PRF1: variants seen among roughly 807,000 people sequenced by gnomAD.
PRF1 encodes the protein perforin-1.
PRF1 carries 11 observed loss-of-function variants against 11.7 expected under a neutral mutation model. The observed-to-expected ratio is 0.94, with a 90% CI of 0.59 to 1.56. The LOEUF is 1.56. PRF1 is among the 40% of genes most tolerant of loss of function. The pLI is 0.00. For synonymous variants in PRF1, 314 were observed against 327.8 expected (o/e 0.96, Z 0.45); for missense variants, 729 against 751.0 (o/e 0.97, Z 0.34).
Position 70,600,387 on chromosome 10 carries a change from G to T in PRF1, c.516C>A (p.Asp172Glu). Residue 172 changes from aspartate (D) to glutamate (E), a missense_variant, in exon 2 of 3, where the codon GAC becomes GAA. By Grantham distance (45) the Asp-to-Glu change is conservative (BLOSUM62 2). Transcript: ENST00000441259. This position sits in a 1 kb window ranked among gnomAD's most constrained non-coding sequence, Gnocchi z 4.9. ...ACCTGTAGAAGCGGCACTCCACCGT[G>T]TCAGTGCTGAAGCTGTACTGGTCCT... is the stretch of plus-strand genomic sequence containing the variant. ...THQDQYSFST[D>E]TVECRFYSFH... The T allele has an allele frequency of 6.2e-7, 1 of 1,614,184 alleles. No homozygotes were observed. Among genetic ancestry groups the T allele is most frequent in the Non-Finnish European group, 8.5e-7 (1 of 1,180,036 alleles).
intron 2 of PRF1, among the ~76,000 whole-genome samples, chr10:70,599,715 G>T (rs1338757161): frequency 1.3e-5 from 2 of 152,218 alleles, no homozygotes; most frequent in Admixed American, 6.5e-5. Flanking sequence ...CACATGCCCG[G>T]GATCCTGACA....
At position 70,600,723 on chromosome 10, in the gene PRF1, T is replaced by C. The variant is rs747004967; in HGVS notation, c.180A>G (p.Pro60=). The C allele has an allele frequency of 2.5e-6, 4 of 1,613,832 alleles. No homozygotes were observed. The highest frequency in any genetic ancestry group is 2.7e-5 in the African/African-American group (2 of 75,046). The stretch of plus-strand genomic sequence containing the variant: ...GCCGCAGGAACCTTTGTGTGTCCAC[T>C]GGGAAGGAGCCCGAGCGGCGGAGGC... The part of the protein sequence containing the change: ...VTSLRRSGSF[P]VDTQRFLRPD... Residue 60 remains proline, a synonymous_variant, in exon 2 of 3, where the codon CCA becomes CCG. Coordinates refer to ENST00000441259, the MANE Select transcript of PRF1 (RefSeq NM_001083116.3). The surrounding 1 kb of genome is among the most constrained non-coding windows in gnomAD (Gnocchi z 4.9).
rs200383720 is a variant in PRF1 at position 70,599,176 on chromosome 10, T to C, written c.545A>G (p.His182Arg). ...GTGCAGCGGGGGAGTGTGTACCACATGGAAACTGCGAGAAGAGAGAGACCT... is the reference window on the plus strand; with the variant it reads ...GTGCAGCGGGGGAGTGTGTACCACACGGAAACTGCGAGAAGAGAGAGACCT... ...DTVECRFYSF[H>R]VVHTPPLHPD... Residue 182 changes from histidine to arginine, a missense_variant, in exon 3 of 3, where the codon CAT (histidine) becomes CGT (arginine). By Grantham distance (29) the His-to-Arg change is conservative (BLOSUM62 0). Coordinates refer to ENST00000441259, the MANE Select transcript of PRF1 (RefSeq NM_001083116.3). The C allele has an allele frequency of 3.0e-5, 49 of 1,614,034 alleles. No homozygotes were observed. Among genetic ancestry groups the C allele is most frequent in the African/African-American group, 1.2e-4 (9 of 74,934 alleles).
rs200789852 is a variant in PRF1 at position 70,598,467 on chromosome 10, C to G, written c.1254G>C (p.Glu418Asp). ...GGCCCCATGCTTGGATGAAGGTCAC[C>G]TCCAGCTGGGCCAGGCCCCTCTGCC... ...CPRQRGLAQLEVTFIQAWGLW... is the reference protein window; with the variant it reads ...CPRQRGLAQLDVTFIQAWGLW... The change falls in exon 3 of 3, where the codon GAG becomes GAC. Residue 418 changes from glutamate (E) to aspartate (D), a missense_variant. By Grantham distance (45) the Glu-to-Asp change is conservative (BLOSUM62 2). Coordinates refer to ENST00000441259, the MANE Select transcript of PRF1 (RefSeq NM_001083116.3). 4 of 1,613,710 alleles carry G rather than the reference C, an allele frequency of 2.5e-6. No individual in the cohort carries two copies. The East Asian group carries it at 8.9e-5, about 36-fold the overall frequency.
At chr10:70,599,244 C>T (rs1191698644) in intron 2 of PRF1, 63 bp from the exon 3 acceptor site, 2 of 1,589,152 alleles carry the variant, frequency 1.3e-6, no homozygotes, top group African/African-American at 1.3e-5. Flanking sequence ...AATCAAATAA[C>T]TCCTTCAGGA....
In PRF1 at chr10:70,600,027, A is replaced by G. The variant is rs893499878; in HGVS notation, c.539+337T>C. On this transcript the variant is annotated intron_variant, in intron 2 of 2. Coordinates refer to ENST00000441259, the MANE Select transcript of PRF1 (RefSeq NM_001083116.3). This position sits in a 1 kb window ranked among gnomAD's most constrained non-coding sequence, Gnocchi z 4.9. ...GGCCAGGTCTCCTGCCTCTGTCCCT[A>G]TCCAGGAAGGACTCTGTGGAAGGCT... is the stretch of plus-strand genomic sequence containing the variant. 1.3e-5 allele frequency among the ~76,000 whole-genome samples: 2 copies of G among 152,296 alleles called. No individual in the cohort carries two copies. The highest frequency in any genetic ancestry group is 1.9e-4 in the East Asian group (1 of 5,182).
At position 70,599,325 on chromosome 10, in the gene PRF1, A is replaced by G. The variant is rs562494480; in HGVS notation, c.540-144T>C. On this transcript the variant is annotated intron_variant, in intron 2 of 2. Coordinates refer to ENST00000441259, the MANE Select transcript of PRF1 (RefSeq NM_001083116.3). Reference sequence around the variant, plus strand: ...AGGGGCCCGGCTCCAGAGCACAAGCACAGTGGCACGGGGCTGGCAGGAATG... The same window carrying G: ...AGGGGCCCGGCTCCAGAGCACAAGCGCAGTGGCACGGGGCTGGCAGGAATG... 32 of 1,056,234 alleles carry G rather than the reference A, an allele frequency of 3.0e-5. No individual in the cohort carries two copies. In the African/African-American group the frequency reaches 4.9e-4, roughly 16 times the overall value. The allele number at this position is 1,056,234 out of a possible 1,614,324, so 65.4% of individuals were successfully genotyped here.
At position 70,598,027 on chromosome 10, in the gene PRF1, A is replaced by C. The variant is rs755876007; in HGVS notation, c.*26T>G. Reference sequence around the variant, plus strand: ...GTGAGAACCCCTTCAGTCCAAGCATACTGGTCCTTTCCAAGCTCACTGTTC... The same window carrying C: ...GTGAGAACCCCTTCAGTCCAAGCATCCTGGTCCTTTCCAAGCTCACTGTTC... On this transcript the variant is annotated 3_prime_UTR_variant, in exon 3 of 3. Transcript: ENST00000441259. 1.2e-6 allele frequency: 2 copies of C among 1,610,128 alleles called. No homozygotes were observed. The highest frequency in any genetic ancestry group is 2.7e-5 in the African/African-American group (2 of 74,892).
intron 1 of PRF1, among the ~76,000 whole-genome samples, chr10:70,601,855 C>T (rs1365569510): frequency 5.0e-5 from 1 of 19,854 alleles, no homozygotes; most frequent in Non-Finnish European, 1.2e-4. Context: ...AGGGGCAGAC[C>T]TGACCACACC....
At chr10:70,601,840 A>AAAAAAAAAAGAGAAAGAAAAAAAAG (rs55649452) in intron 1 of PRF1, among the ~76,000 whole-genome samples, 35,692 of 97,206 alleles carry the variant, frequency 0.37, 9,232 homozygotes, top group African/African-American at 0.48. Context: ...AAAAAAAAAA[A>AAAAAAAAAAGAGAAAGAAAAAAAAG]AAAAAGGGGC....
Position 70,598,475 on chromosome 10 carries a change from G to A in PRF1, c.1246C>T (p.Gln416Ter), listed in dbSNP as rs193302876. 1.9e-6 allele frequency: 3 copies of A among 1,613,658 alleles called. No homozygotes were observed. Among genetic ancestry groups the A allele is most frequent in the East Asian group, 4.5e-5 (2 of 44,856 alleles). ...DCCPRQRGLA[Q>*]LEVTFIQAWG... ...GCTTGGATGAAGGTCACCTCCAGCT[G>A]GGCCAGGCCCCTCTGCCGAGGGCAG... Residue 416 changes from glutamine to a stop codon, truncating the protein, a stop_gained, in exon 3 of 3, where the codon CAG (glutamine) becomes TAG (stop). Coordinates refer to ENST00000441259, the MANE Select transcript of PRF1 (RefSeq NM_001083116.3). LOFTEE classifies it low-confidence loss of function (END_TRUNC).
At chr10:70,602,363 A>G in intron 1 of PRF1, among the ~76,000 whole-genome samples, 1 of 152,190 alleles carries the variant, frequency 6.6e-6, no homozygotes, top group East Asian at 1.9e-4. Context: ...CTCAGCCCTC[A>G]TCCTGACTCT....
At position 70,598,531 on chromosome 10, in the gene PRF1, C is replaced by T; in HGVS notation, c.1190G>A (p.Cys397Tyr). ...CTGGGTGGTGACCGCTGAGCCATGG[C>T]ACACACACTGGCATGGGTCTCGGGG... ...KSPRDPCQCV[C>Y]HGSAVTTQDC... Residue 397 changes from cysteine (C) to tyrosine (Y), a missense_variant, in exon 3 of 3, where the codon TGC becomes TAC. Physicochemically the swap from Cys to Tyr is radical, Grantham distance 194. Coordinates refer to ENST00000441259, the MANE Select transcript of PRF1 (RefSeq NM_001083116.3). The T allele has an allele frequency of 6.2e-7, 1 of 1,613,328 alleles. No homozygotes were observed. The highest frequency in any genetic ancestry group is 2.2e-5 in the East Asian group (1 of 44,862).
Position 70,598,033 on chromosome 10 carries a change from C to T in PRF1, c.*20G>A. On this transcript the variant is annotated 3_prime_UTR_variant, in exon 3 of 3. Transcript: ENST00000441259. The stretch of plus-strand genomic sequence containing the variant: ...ACCCCTTCAGTCCAAGCATACTGGT[C>T]CTTTCCAAGCTCACTGTTCTCACCA... 1 of 1,611,186 alleles carries T rather than the reference C, an allele frequency of 6.2e-7. No homozygotes were observed. Among genetic ancestry groups the T allele is most frequent in the Non-Finnish European group, 8.5e-7 (1 of 1,180,002 alleles).
intron 1 of PRF1, among the ~76,000 whole-genome samples, chr10:70,602,229 T>A (rs1407613331): frequency 6.6e-6 from 1 of 152,018 alleles, no homozygotes; most frequent in Non-Finnish European, 1.5e-5. Context: ...AGGTGTGACT[T>A]GAAGGGTGGA....
rs568808570 is a variant in PRF1 at position 70,601,889 on chromosome 10, C to A, written c.-31+756G>T. ...CCCTTGGATTTTGTGTGGGGAGAGG[C>A]CTCGATGGTTGCTCTTCAGATCCTT... On this transcript the variant is annotated intron_variant, in intron 1 of 2. Transcript: ENST00000441259. Among the ~76,000 whole-genome samples the A allele has an allele frequency of 2.7e-5, 4 of 150,054 alleles. 1 individual carries two copies. The highest frequency in any genetic ancestry group is 9.8e-5 in the African/African-American group (4 of 40,894).
Position 70,598,061 on chromosome 10 carries a change from C to T in PRF1, c.1660G>A (p.Val554Met), listed in dbSNP as rs768505698. The T allele has an allele frequency of 5.0e-6, 8 of 1,613,250 alleles. No homozygotes were observed. Among genetic ancestry groups the T allele is most frequent in the Admixed American group, 3.3e-5 (2 of 60,004 alleles). Residue 554 changes from valine to methionine, a missense_variant, in exon 3 of 3, where the codon GTG (valine) becomes ATG (methionine). Val to Met is a conservative substitution (Grantham distance 21, BLOSUM62 1). Transcript: ENST00000441259. Reference protein sequence around the residue: ...GEPPGNRSGAVW With the variant: ...GEPPGNRSGAMW The stretch of plus-strand genomic sequence containing the variant: ...TTCCAAGCTCACTGTTCTCACCACA[C>T]GGCCCCACTCCGGTTTCCTGGAGGC...
chr10:70,600,726 G>A lies in PRF1; in HGVS notation c.177C>T (p.Phe59=), dbSNP rs1184024036. ...GCAGGAACCTTTGTGTGTCCACTGG[G>A]AAGGAGCCCGAGCGGCGGAGGCTGG... The part of the protein sequence containing the change: ...DVTSLRRSGS[F]PVDTQRFLRP... Residue 59 remains phenylalanine, a synonymous_variant, in exon 2 of 3, where the codon TTC becomes TTT. Coordinates refer to ENST00000441259, the MANE Select transcript of PRF1 (RefSeq NM_001083116.3). This position sits in a 1 kb window ranked among gnomAD's most constrained non-coding sequence, Gnocchi z 4.9. The A allele has an allele frequency of 2.5e-6, 4 of 1,613,684 alleles. No homozygotes were observed. Among genetic ancestry groups the A allele is most frequent in the Admixed American group, 3.3e-5 (2 of 60,000 alleles).
In PRF1 at chr10:70,598,052, C is replaced by T; in HGVS notation, c.*1G>A. 3 of 1,613,068 alleles carry T rather than the reference C, an allele frequency of 1.9e-6. No homozygotes were observed. The highest frequency in any genetic ancestry group is 2.5e-6 in the Non-Finnish European group (3 of 1,180,024). ...ACTGGTCCTTTCCAAGCTCACTGTT[C>T]TCACCACACGGCCCCACTCCGGTTT... On this transcript the variant is annotated 3_prime_UTR_variant, in exon 3 of 3. Transcript: ENST00000441259.
Sources: allele counts gnomAD v4.1 joint callset (sites outside exome capture counted in the v4.1 genomes callset), GRCh38; gene constraint gnomAD v4.1.1; non-coding constraint Gnocchi (gnomAD v3.1); transcripts MANE v1.5; gene names NCBI Gene and HGNC (gene_info 2026-07-23, HGNC 2026-07-21).